MROH6: variants seen among roughly 807,000 people sequenced by gnomAD.
The protein encoded by MROH6 is maestro heat like repeat family member 6, also known as maestro heat-like repeat-containing protein family member 6.
MROH6 carries 62 observed loss-of-function variants against 67.7 expected under a neutral mutation model. That is an observed-to-expected ratio of 0.92 (90% confidence interval 0.75 to 1.13). The LOEUF (loss-of-function observed/expected upper bound fraction) is 1.13, where lower values mean the gene tolerates loss of function less well. MROH6 is among the 50% of genes most tolerant of loss of function. MROH6 has a pLI of 0.00. For missense variants in MROH6, 1,175 were observed against 1,029.1 expected (o/e 1.14, Z -1.94); for synonymous variants, 566 against 470.8 (o/e 1.20, Z -2.62).
chr8:143,571,746 G>C lies in MROH6; in HGVS notation c.523C>G (p.Arg175Gly). The C allele has an allele frequency of 6.5e-7, 1 of 1,549,070 alleles. No homozygotes were observed. The highest frequency in any genetic ancestry group is 8.7e-7 in the Non-Finnish European group (1 of 1,147,754). Residue 175 changes from arginine to glycine, a missense_variant, in exon 3 of 14, where the codon CGA becomes GGA. Physicochemically the swap from Arg to Gly is moderately radical, Grantham distance 125. Transcript: ENST00000398882. ...AEGRPWRAAL[R>G]VLSALALEHA... ...TCCAGGGCCAGTGCGCTCAGCACTC[G>C]CAGGGCCGCCCTCCAGGGCCTCCCC...
At chr8:143,568,358 A>G (rs1823757766) in intron 10 of MROH6, 97 bp from the exon 11 acceptor site, 1 of 1,488,776 alleles carries the variant, frequency 6.7e-7, no homozygotes, top group African/African-American at 1.4e-5. Context: ...GGTGAGGGGC[A>G]GAAGAGCCCA....
chr8:143,571,957 C>A, intron 2 of MROH6, 76 bp downstream of exon 2: 3 of 1,526,148 alleles, frequency 2.0e-6, no homozygotes, highest in South Asian at 2.5e-5. Flanking sequence ...TCAGGCTGCG[C>A]TCTCCAGGCC....
chr8:143,569,745 G>C lies in MROH6; in HGVS notation c.1254C>G (p.Arg418=), dbSNP rs766116546. ...GGCCCAGGCCCAGCAGGCCCAACCA[G>C]CGCACAGTGGGTTCGGGGTCTCCCT... ...TWQGDPEPTV[R]WLGLLGLGHL... The change falls in exon 8 of 14, where the codon CGC becomes CGG. Residue 418 remains arginine, a synonymous_variant. Transcript: ENST00000398882. 1.8e-5 allele frequency: 29 copies of C among 1,613,214 alleles called. No individual in the cohort carries two copies. The African/African-American group carries it at 2.4e-4, about 13-fold the overall frequency.
chr8:143,569,478 G>T lies in MROH6; in HGVS notation c.1439C>A (p.Ala480Glu). ...RPRAPVRLLS[A>E]ELGPRLPPLL... ...CGGAGGGAGGCGCGGTCCCAGCTCC[G>T]CGCTCAGGAGCCGCACAGGCGCCCG... Residue 480 changes from alanine (A) to glutamate (E), a missense_variant, in exon 9 of 14, where the codon GCG becomes GAG. Physicochemically the swap from Ala to Glu is moderately radical, Grantham distance 107. Coordinates refer to ENST00000398882, the MANE Select transcript of MROH6 (RefSeq NM_001100878.2). 1 of 1,474,436 alleles carries T rather than the reference G, an allele frequency of 6.8e-7. No individual in the cohort carries two copies. Among genetic ancestry groups the T allele is most frequent in the Non-Finnish European group, 8.9e-7 (1 of 1,122,358 alleles). The allele number at this position is 1,474,436 out of a possible 1,614,324, so 91.3% of individuals were successfully genotyped here. A position where few individuals can be genotyped will look rare whatever the true frequency, so the allele number is the denominator to read the frequency against.
Position 143,569,566 on chromosome 8 carries a change from C to A in MROH6, c.1351G>T (p.Glu451Ter). The stretch of plus-strand genomic sequence containing the variant: ...GCACCCACGAGCCGCGCGTCGCCTT[C>A]GCCCAGTGCGCCCAGGAGCGCCGGC... ...LLPALLGALG[E>*]GDARLVGAAL... The change falls in exon 9 of 14, where the codon GAA becomes TAA. Residue 451 changes from glutamate to a stop codon, truncating the protein, a stop_gained. Coordinates refer to ENST00000398882, the MANE Select transcript of MROH6 (RefSeq NM_001100878.2). LOFTEE classifies it high-confidence loss of function. 6.4e-7 allele frequency: 1 copy of A among 1,551,042 alleles called. No individual in the cohort carries two copies. The highest frequency in any genetic ancestry group is 8.7e-7 in the Non-Finnish European group (1 of 1,154,528).
intron 10 of MROH6, 116 bp from the exon 11 acceptor site, chr8:143,568,377 G>C: frequency 6.9e-7 from 1 of 1,456,424 alleles, no homozygotes; most frequent in Non-Finnish European, 9.2e-7. Context: ...CAGGGCAGGA[G>C]ACTGGATTGA....
rs1306110672 is a variant in MROH6 at position 143,570,502 on chromosome 8, G to C, written c.876C>G (p.Ser292=). 1 of 1,612,704 alleles carries C rather than the reference G, an allele frequency of 6.2e-7. No individual in the cohort carries two copies. The highest frequency in any genetic ancestry group is 8.5e-7 in the Non-Finnish European group (1 of 1,179,790). The change falls in exon 5 of 14, where the codon TCC becomes TCG. Residue 292 remains serine, a synonymous_variant. Transcript: ENST00000398882. The part of the protein sequence containing the change: ...SPDMPKIWVL[S]HRGPPHSHAS... ...CATGGCTATGTGGTGGCCCTCGGTG[G>C]GACAGAACCCAAATCTTGGGCATGT...
chr8:143,572,328 G>C (rs903560168), intron 1 of MROH6, 93 bp downstream of exon 1: 9 of 1,486,574 alleles, frequency 6.1e-6, no homozygotes, highest in Non-Finnish European at 7.2e-6. Context: ...CCTCCCCCGG[G>C]GCCAGCACCG....
Position 143,567,289 on chromosome 8 carries a change from G to C in MROH6, c.2110C>G (p.Arg704Gly), listed in dbSNP as rs923212029. ...PPVFADSPFQ[R>G]RSVAGRWGCS... is the part of the protein sequence containing the mutation. ...CCCCAGCGGCCCGCGACGCTCCGGC[G>C]CTGGAAGGGGCTGTCGGCGAAGACT... Residue 704 changes from arginine (R) to glycine (G), a missense_variant, in exon 14 of 14, where the codon CGC (arginine) becomes GGC (glycine). Transcript: ENST00000398882. 5.7e-6 allele frequency: 7 copies of C among 1,222,136 alleles called. No homozygotes were observed. The highest frequency in any genetic ancestry group is 3.1e-5 in the African/African-American group (2 of 63,856). The allele number at this position is 1,222,136 out of a possible 1,614,324, so 75.7% of individuals were successfully genotyped here.
At chr8:143,567,487 G>C (rs779161406) in intron 13 of MROH6, 22 bp from the exon 14 acceptor site, 2 of 1,433,292 alleles carry the variant, frequency 1.4e-6, no homozygotes, top group Non-Finnish European at 1.8e-6. Flanking sequence ...TCGCGGCTCA[G>C]GCTGGGGAGC....
chr8:143,567,926 G>A (rs1823724535), intron 11 of MROH6, 38 bp from the exon 12 acceptor site: 2 of 1,501,162 alleles, frequency 1.3e-6, no homozygotes, highest in Admixed American at 2.3e-5. Context: ...CAGGAGGGCT[G>A]ATCCTGAGTG....
At position 143,572,412 on chromosome 8, in the gene MROH6, C is replaced by A. The variant is rs4874154; in HGVS notation, c.294+9G>T. 1,267,835 of 1,549,232 alleles carry A rather than the reference C, an allele frequency of 0.82. 520,558 individuals are homozygous for A. Among genetic ancestry groups the A allele is most frequent in the East Asian group, 0.87 (37,840 of 43,682 alleles). The stretch of plus-strand genomic sequence containing the variant: ...CGGTTCGCACAACATCCCTTCCCTC[C>A]CCCGTCACCTGGTGGGGCCCCTCAG... On this transcript the variant is annotated intron_variant, in intron 1 of 13. Transcript: ENST00000398882.
At chr8:143,568,856 A>AG in intron 9 of MROH6, 137 bp from the exon 10 acceptor site, 1 of 644,876 alleles carries the variant, frequency 1.6e-6, no homozygotes, top group South Asian at 2.1e-5. Flanking sequence ...GACAGGGAAC[A>AG]GGGCCTGGAG....
rs761661973 is a variant in MROH6 at position 143,572,142 on chromosome 8, G to T, written c.338C>A (p.Ala113Glu). ...SWEEGVLADL[A>E]LYTAACLEEA... Reference sequence around the variant, plus strand: ...CTCCAGGCAGGCAGCCGTGTACAACGCGAGGTCGGCAAGAACTCCCTCCTC... The same window carrying T: ...CTCCAGGCAGGCAGCCGTGTACAACTCGAGGTCGGCAAGAACTCCCTCCTC... The change falls in exon 2 of 14, where the codon GCG becomes GAG. Residue 113 changes from alanine (A) to glutamate (E), a missense_variant. Coordinates refer to ENST00000398882, the MANE Select transcript of MROH6 (RefSeq NM_001100878.2). The T allele has an allele frequency of 1.6e-5, 25 of 1,612,896 alleles. 1 individual carries two copies. In the East Asian group the frequency reaches 1.8e-4, roughly 11 times the overall value.
rs1457103615 is a variant in MROH6, at chr8:143,572,182, G to T, written c.298C>A (p.Pro100Thr). 2 of 1,612,708 alleles carry T rather than the reference G, an allele frequency of 1.2e-6. No homozygotes were observed. The highest frequency in any genetic ancestry group is 1.7e-5 in the Admixed American group (1 of 59,998). ...EPAPEGPHQV[P>T]QSSWEEGVLA... ...ACTCCCTCCTCCCAGGAACTCTGGG[G>T]AACCTAGGGCAGGATGGGTGGGGCG... Residue 100 changes from proline (P) to threonine (T), a missense_variant, in exon 2 of 14, where the codon CCC (proline) becomes ACC (threonine). Pro to Thr is a conservative substitution (Grantham distance 38). Coordinates refer to ENST00000398882, the MANE Select transcript of MROH6 (RefSeq NM_001100878.2).
chr8:143,567,241 A>G lies in MROH6; in HGVS notation c.2158T>C (p.Ter720ArgextTer25), dbSNP rs1823660915. Residue 720 changes from the stop codon to arginine, a stop_lost, in exon 14 of 14, where the codon TGA (stop) becomes CGA (arginine). Coordinates refer to ENST00000398882, the MANE Select transcript of MROH6 (RefSeq NM_001100878.2). ...RWGCSGPRRA[*>R] ...CCCTCGGGCCCCAGCCCCGAGCCTC[A>G]GGCTCGGCGGGGTCCGGAGCAGCCC... 2.5e-6 allele frequency: 3 copies of G among 1,219,570 alleles called. No homozygotes were observed. Among genetic ancestry groups the G allele is most frequent in the Admixed American group, 4.3e-5 (1 of 23,314 alleles). The allele number at this position is 1,219,570 out of a possible 1,614,324, so 75.5% of individuals were successfully genotyped here.
At position 143,567,433 on chromosome 8, in the gene MROH6, C is replaced by T; in HGVS notation, c.1966G>A (p.Ala656Thr). ...GACACGTGCGCTGCCGCGGCCACAGCCGGCTTGGGGTCGCTCTGCAGTCGC... is the reference window on the plus strand; with the variant it reads ...GACACGTGCGCTGCCGCGGCCACAGTCGGCTTGGGGTCGCTCTGCAGTCGC... ...LGRLQSDPKPAVAAAAHVSAQ... is the reference protein window; with the variant it reads ...LGRLQSDPKPTVAAAAHVSAQ... Residue 656 changes from alanine to threonine, a missense_variant, in exon 14 of 14, where the codon GCT becomes ACT. Physicochemically the swap from Ala to Thr is moderately conservative, Grantham distance 58 (BLOSUM62 0). Transcript: ENST00000398882. 7.5e-7 allele frequency: 1 copy of T among 1,327,394 alleles called. No individual in the cohort carries two copies. The highest frequency in any genetic ancestry group is 9.6e-7 in the Non-Finnish European group (1 of 1,036,600). The allele number at this position is 1,327,394 out of a possible 1,614,324, so 82.2% of individuals were successfully genotyped here.
rs1392517859 is a variant in MROH6 at position 143,572,094 on chromosome 8, TG to T, written c.385del (p.Gln129ArgfsTer36). 3.1e-6 allele frequency: 5 copies of T among 1,612,846 alleles called. No individual in the cohort carries two copies. The East Asian group carries it at 8.9e-5, about 29-fold the overall frequency. On this transcript the variant is annotated frameshift_variant, in exon 2 of 14. Coordinates refer to ENST00000398882, the MANE Select transcript of MROH6 (RefSeq NM_001100878.2). LOFTEE classifies it high-confidence loss of function. ...TGAGGACAGGGTGAGCACTGTCGCC[TG>T]GGTCCCTGCAAAGCCAGCCTCCTCC... ...CLEEAGFAGT[Q>X]ATVLTLSSAL...
Position 143,569,866 on chromosome 8 carries a change from C to T in MROH6, c.1159-26G>A, listed in dbSNP as rs576778825. 142 of 1,609,540 alleles carry T rather than the reference C, an allele frequency of 8.8e-5. 3 individuals are homozygous for T. In the South Asian group the frequency reaches 1.6e-3, roughly 18 times the overall value. On this transcript the variant is annotated intron_variant, in intron 7 of 13. Transcript: ENST00000398882. ...CTAGGCGAGGCACATGGGGTCAGCA[C>T]GCCCGCGGTCCCCGTGCAGGCCGCT...
Sources: gnomAD v4.1 joint callset for allele counts on GRCh38, gnomAD v4.1.1 for gene constraint, MANE v1.5 for transcripts, NCBI Gene and HGNC (gene_info 2026-07-23, HGNC 2026-07-21) for gene names.